Variants in SNRK observed in about 807,000 individuals in gnomAD.
The protein encoded by SNRK is SNF related kinase, also known as SNF-related serine/threonine-protein kinase.
In SNRK, 3 loss-of-function variants were observed where a neutral mutation model predicts 48.2. The ratio of observed to expected loss-of-function variants is 0.06; its 90% CI spans 0.03 to 0.16. SNRK has a LOEUF of 0.16. SNRK is among the 10% of genes least tolerant of loss of function. The probability of loss-of-function intolerance (pLI) is 1.00; values close to 1 mark genes in which losing one functional copy is unlikely to be tolerated. For missense variants in SNRK, 627 were observed against 976.0 expected, an observed-to-expected ratio of 0.64 and a Z score of 4.76; for synonymous variants, 376 against 366.1, an observed-to-expected ratio of 1.03 and a Z score of -0.31.
chr3:43,345,447 A>G (rs1297803344), intron 6 of SNRK, among the ~76,000 whole-genome samples: 1 of 152,184 alleles, frequency 6.6e-6, no homozygotes, highest in Non-Finnish European at 1.5e-5. Context: ...GAGAACAGAT[A>G]CATGCTCTGT....
At chr3:43,335,859 A>G (rs2091183840) in intron 4 of SNRK, among the ~76,000 whole-genome samples, 1 of 152,102 alleles carries the variant, frequency 6.6e-6, no homozygotes. Flanking sequence ...TGTGTTGTCT[A>G]ATTTCAGCCA....
At chr3:43,291,453 C>G (rs1393668204) in intron 1 of SNRK, among the ~76,000 whole-genome samples, 1 of 152,080 alleles carries the variant, frequency 6.6e-6, no homozygotes, top group Non-Finnish European at 1.5e-5. Flanking sequence ...GATGAGGTTA[C>G]TGATAAGAAA....
chr3:43,344,203 C>T (rs542759406), intron 6 of SNRK, among the ~76,000 whole-genome samples: 1 of 151,616 alleles, frequency 6.6e-6, no homozygotes, highest in Non-Finnish European at 1.5e-5. Flanking sequence ...CTAACCCCCT[C>T]TCTCCTCCTC....
chr3:43,301,755 A>G (rs1179991488), intron 2 of SNRK, among the ~76,000 whole-genome samples: 3 of 152,250 alleles, frequency 2.0e-5, no homozygotes, highest in African/African-American at 7.2e-5. Flanking sequence ...AGAGCAGTAG[A>G]AAAAGCTTCG....
intron 5 of SNRK, chr3:43,340,753 C>T: frequency 2.0e-6 from 1 of 487,850 alleles, no homozygotes; most frequent in Non-Finnish European, 3.7e-6. Context: ...TTTCCCCATT[C>T]TATAGGGGTG....
chr3:43,296,664 ACCTCTCTC>A (rs2090858385), intron 1 of SNRK, among the ~76,000 whole-genome samples: 1 of 151,858 alleles, frequency 6.6e-6, no homozygotes, highest in South Asian at 2.1e-4. Flanking sequence ...TTTTGTCCCT[ACCTCTCTC>A]TAAGAGGTGT....
intron 1 of SNRK, among the ~76,000 whole-genome samples, chr3:43,288,344 C>A (rs941435988): frequency 6.6e-6 from 1 of 152,054 alleles, no homozygotes; most frequent in Middle Eastern, 3.2e-3. Context: ...TGTTTTACTG[C>A]AGTAAGATCC....
chr3:43,337,861 C>T (rs2091203277), intron 4 of SNRK, among the ~76,000 whole-genome samples: 1 of 152,132 alleles, frequency 6.6e-6, no homozygotes, highest in Non-Finnish European at 1.5e-5. Context: ...CCTGGTGTCT[C>T]TGTTGACACA....
At chr3:43,298,255 G>C (rs2090871655) in intron 1 of SNRK, among the ~76,000 whole-genome samples, 1 of 152,182 alleles carries the variant, frequency 6.6e-6, no homozygotes, top group South Asian at 2.1e-4. Flanking sequence ...TTCAAATGCA[G>C]TTGTTGGTCT....
intron 3 of SNRK, among the ~76,000 whole-genome samples, chr3:43,304,161 C>T (rs1412488487): frequency 2.0e-5 from 3 of 151,948 alleles, no homozygotes; most frequent in Non-Finnish European, 4.4e-5. Context: ...CATTGGAGAC[C>T]CATATTGGAA....
intron 5 of SNRK, among the ~76,000 whole-genome samples, chr3:43,341,139 GTTGTTTTTTTGTTT>G (rs1181147691): frequency 6.6e-6 from 1 of 151,802 alleles, no homozygotes; most frequent in Non-Finnish European, 1.5e-5. Flanking sequence ...ACCAAAGCCA[GTTGTTTTTTTGTTT>G]TTGTTTTTTT....
intron 4 of SNRK, among the ~76,000 whole-genome samples, chr3:43,337,033 TGAGC>T (rs2091195019): frequency 6.6e-6 from 1 of 152,118 alleles, no homozygotes; most frequent in South Asian, 2.1e-4. Flanking sequence ...ATTACAGGCA[TGAGC>T]CACCGCGCCT....
At chr3:43,343,693 G>A (rs969915203) in intron 6 of SNRK, among the ~76,000 whole-genome samples, 2 of 152,120 alleles carry the variant, frequency 1.3e-5, no homozygotes, top group African/African-American at 4.8e-5. Context: ...GGCTCAGTGG[G>A]GACCGGGGCT....
At chr3:43,325,120 T>TA (rs1490440894) in intron 3 of SNRK, among the ~76,000 whole-genome samples, 2 of 152,218 alleles carry the variant, frequency 1.3e-5, no homozygotes, top group Non-Finnish European at 2.9e-5. Flanking sequence ...ATATTCATCT[T>TA]ATGTTAGCAC....
intron 3 of SNRK, among the ~76,000 whole-genome samples, chr3:43,319,319 A>C (rs2091036637): frequency 6.6e-6 from 1 of 152,218 alleles, no homozygotes; most frequent in Non-Finnish European, 1.5e-5. Context: ...GAAACCTAAG[A>C]AAAAACATTA....
intron 1 of SNRK, among the ~76,000 whole-genome samples, chr3:43,289,280 G>A (rs1225973914): frequency 1.3e-5 from 2 of 152,174 alleles, no homozygotes; most frequent in African/African-American, 4.8e-5. Context: ...AAAAGGCTCA[G>A]GGGGTTCAGG....
chr3:43,337,055 TATAC>T (rs1348565163), intron 4 of SNRK, among the ~76,000 whole-genome samples: 4 of 151,692 alleles, frequency 2.6e-5, no homozygotes, highest in African/African-American at 9.7e-5. Context: ...CCTGGCCAAA[TATAC>T]ATGTTTTTAT....
rs1559460688 is a variant in SNRK at position 43,303,652 on chromosome 3, A to G, written c.449A>G (p.Lys150Arg). 1 of 1,614,142 alleles carries G rather than the reference A, an allele frequency of 6.2e-7. No homozygotes were observed. The part of the protein sequence containing the change: ...LKPENVVFFE[K>R]QGLVKLTDFG... The stretch of plus-strand genomic sequence containing the variant: ...CCAGAGAATGTAGTCTTCTTTGAAA[A>G]ACAAGGTCTTGTAAAGTTGACAGAC... The change falls in exon 3 of 7, where the codon AAA (lysine) becomes AGA (arginine). Residue 150 changes from lysine (K) to arginine (R), a missense_variant. Transcript: ENST00000296088. This position sits in a 1 kb window ranked among gnomAD's most constrained non-coding sequence, Gnocchi z 6.2.
chr3:43,314,202 T>C (rs2125627592), intron 3 of SNRK, among the ~76,000 whole-genome samples: 1 of 152,336 alleles, frequency 6.6e-6, no homozygotes, highest in Admixed American at 6.5e-5. Flanking sequence ...CTTTTTCTGA[T>C]TCATAATGCC....
Sources: allele counts gnomAD v4.1 joint callset (sites outside exome capture counted in the v4.1 genomes callset), GRCh38; gene constraint gnomAD v4.1.1; non-coding constraint Gnocchi (gnomAD v3.1); transcripts MANE v1.5; gene names NCBI Gene and HGNC (gene_info 2026-07-23, HGNC 2026-07-21).